The following TAFA1 variants were observed in gnomAD, a reference collection of about 807,000 sequenced individuals.
TAFA1 encodes the protein chemokine-like protein TAFA-1.
A neutral mutation model predicts 18.5 loss-of-function variants in TAFA1; 4 were observed. The observed-to-expected ratio is 0.22, with a 90% confidence interval of 0.11 to 0.49. The LOEUF is 0.49. Ranked by LOEUF, TAFA1 falls within the 20% of genes least tolerant of loss-of-function variation. The pLI is 0.98. For synonymous variants in TAFA1, 56 were observed against 55.2 expected (o/e 1.01, Z -0.06); for missense variants, 147 against 169.0 (o/e 0.87, Z 0.72).
At chr3:68,495,211 G>A (rs1402800839) in intron 3 of TAFA1, among the ~76,000 whole-genome samples, 2 of 152,116 alleles carry the variant, frequency 1.3e-5, no homozygotes, top group Non-Finnish European at 2.9e-5. Flanking sequence ...GCAACATTTG[G>A]TGCTTCCAAA....
intron 2 of TAFA1, among the ~76,000 whole-genome samples, chr3:68,246,000 C>A (rs59204433): frequency 0.015 from 2,309 of 152,246 alleles, 58 homozygotes; most frequent in East Asian, 0.11. Context: ...AATGCAAGCT[C>A]CCTGAGGACA....
intron 2 of TAFA1, among the ~76,000 whole-genome samples, chr3:68,263,446 TACAC>T (rs3033685): frequency 1.4e-3 from 188 of 137,776 alleles, no homozygotes; most frequent in Admixed American, 2.5e-3. Flanking sequence ...CACACACACA[TACAC>T]ACACACACAC....
intron 2 of TAFA1, among the ~76,000 whole-genome samples, chr3:68,219,524 G>A (rs760733131): frequency 2.0e-5 from 3 of 152,036 alleles, no homozygotes; most frequent in South Asian, 2.1e-4. Flanking sequence ...CATCCAATCA[G>A]CTTTCTTGCT....
chr3:68,209,802 C>T (rs973935880), intron 2 of TAFA1, among the ~76,000 whole-genome samples: 1 of 151,958 alleles, frequency 6.6e-6, no homozygotes, highest in Non-Finnish European at 1.5e-5. Context: ...AATACAAATA[C>T]AGCTATAATA....
At chr3:68,340,620 T>C (rs1227759022) in intron 2 of TAFA1, among the ~76,000 whole-genome samples, 4 of 152,142 alleles carry the variant, frequency 2.6e-5, no homozygotes, top group Non-Finnish European at 5.9e-5. Flanking sequence ...CATTTTTTTT[T>C]CTATGGATAT....
intron 2 of TAFA1, among the ~76,000 whole-genome samples, chr3:68,258,701 A>T (rs1430135422): frequency 6.6e-6 from 1 of 152,176 alleles, no homozygotes. Flanking sequence ...ATTTATGCCT[A>T]ATATTGGAAA....
chr3:68,528,635 A>G (rs1390011284), intron 3 of TAFA1, among the ~76,000 whole-genome samples: 5 of 152,336 alleles, frequency 3.3e-5, no homozygotes, highest in Non-Finnish European at 5.9e-5. Flanking sequence ...GTGGAGTTCT[A>G]GCCATTGCTT....
intron 2 of TAFA1, among the ~76,000 whole-genome samples, chr3:68,395,142 C>A (rs1469700853): frequency 6.6e-6 from 1 of 151,966 alleles, no homozygotes; most frequent in East Asian, 1.9e-4. Flanking sequence ...AGGATATAAA[C>A]AAACACTTTT....
intron 2 of TAFA1, among the ~76,000 whole-genome samples, chr3:68,217,558 G>T (rs1305567925): frequency 6.6e-6 from 1 of 151,896 alleles, no homozygotes; most frequent in Non-Finnish European, 1.5e-5. Flanking sequence ...ATAAAGCATG[G>T]ACTTTATTTA....
In TAFA1 at chr3:68,416,404, C is replaced by T. The variant is rs553006995; in HGVS notation, c.119-876C>T. On this transcript the variant is annotated intron_variant, in intron 2 of 4. Transcript: ENST00000478136. ...TTTTTGCCAACTGCATCCTAAATGC[C>T]AAGAATCCTAAATGGTCTGGGTCTA... Among the ~76,000 whole-genome samples, 12 of 152,228 alleles carry T rather than the reference C, an allele frequency of 7.9e-5. No homozygotes were observed. In the South Asian group the frequency reaches 2.5e-3, roughly 32 times the overall value.
chr3:68,011,315 AG>A, intron 2 of TAFA1, among the ~76,000 whole-genome samples: 1 of 152,116 alleles, frequency 6.6e-6, no homozygotes, highest in East Asian at 1.9e-4. Flanking sequence ...TTTTATCGAC[AG>A]GGGTGTACGG....
intron 2 of TAFA1, among the ~76,000 whole-genome samples, chr3:68,187,214 C>G (rs1268194098): frequency 6.6e-6 from 1 of 151,972 alleles, no homozygotes; most frequent in African/African-American, 2.4e-5. Context: ...TGTTTATAAG[C>G]AGCCTCTCAT....
At chr3:68,452,943 GA>G (rs1287592574) in intron 3 of TAFA1, among the ~76,000 whole-genome samples, 2 of 152,132 alleles carry the variant, frequency 1.3e-5, no homozygotes, top group African/African-American at 4.8e-5. Flanking sequence ...TGTAAATGTT[GA>G]AAACTGTAGT....
At chr3:68,071,132 T>C (rs1234023675) in intron 2 of TAFA1, among the ~76,000 whole-genome samples, 1 of 152,240 alleles carries the variant, frequency 6.6e-6, no homozygotes, top group Non-Finnish European at 1.5e-5. Context: ...TGCTGAGACA[T>C]GTCCGAGACT....
intron 2 of TAFA1, among the ~76,000 whole-genome samples, chr3:68,016,735 TTGTATGGTGA>T (rs1704577891): frequency 6.6e-6 from 1 of 152,194 alleles, no homozygotes; most frequent in African/African-American, 2.4e-5. Flanking sequence ...TAAAATTTGC[TTGTATGGTGA>T]TGTATGGTGA....
intron 3 of TAFA1, among the ~76,000 whole-genome samples, chr3:68,485,036 G>C (rs2072311140): frequency 6.6e-6 from 1 of 152,082 alleles, no homozygotes; most frequent in African/African-American, 2.4e-5. Flanking sequence ...AAGATTATTA[G>C]AATTTTAAGG....
At chr3:68,458,348 C>T (rs2071704798) in intron 3 of TAFA1, among the ~76,000 whole-genome samples, 1 of 152,144 alleles carries the variant, frequency 6.6e-6, no homozygotes, top group Non-Finnish European at 1.5e-5. Context: ...ATAAACTACC[C>T]AGTCTCAGGT....
intron 2 of TAFA1, among the ~76,000 whole-genome samples, chr3:68,287,229 C>T (rs1011130693): frequency 7.9e-5 from 12 of 152,194 alleles, no homozygotes; most frequent in Admixed American, 6.5e-4. Context: ...AAAGCGGACA[C>T]AAGCCAAAGT....
chr3:68,138,175 T>A (rs1276102977), intron 2 of TAFA1, among the ~76,000 whole-genome samples: 1 of 152,210 alleles, frequency 6.6e-6, no homozygotes, highest in African/African-American at 2.4e-5. Context: ...ATATCCATGT[T>A]TTCCCCCATA....
Sources: gnomAD v4.1 joint callset for allele counts (sites outside exome capture counted in the v4.1 genomes callset) on GRCh38, gnomAD v4.1.1 for gene constraint, MANE v1.5 for transcripts, NCBI Gene and HGNC (gene_info 2026-07-23, HGNC 2026-07-21) for gene names.